MTCL2: variants seen among roughly 807,000 people sequenced by gnomAD.
The protein encoded by MTCL2 is microtubule crosslinking factor 2, also known as microtubule cross-linking factor 2.
the MTCL2 span, among the ~76,000 whole-genome samples, chr20:36,842,450 C>T: frequency 7.9e-5 from 12 of 152,254 alleles, no homozygotes; most frequent in African/African-American, 2.6e-4. Flanking sequence ...TTAATGTGAC[C>T]GAATGATTTA....
chr20:36,836,176 C>T, the MTCL2 span, among the ~76,000 whole-genome samples: 1 of 146,152 alleles, frequency 6.8e-6, no homozygotes. Context: ...CTAACTCATT[C>T]TTTTTTTTCT....
At chr20:36,800,567 A>G in the MTCL2 span, among the ~76,000 whole-genome samples, 1 of 152,022 alleles carries the variant, frequency 6.6e-6, no homozygotes, top group African/African-American at 2.4e-5. Context: ...TCCCTTACTC[A>G]CTTTATGACC....
the MTCL2 span, among the ~76,000 whole-genome samples, chr20:36,860,404 G>C: frequency 6.6e-6 from 1 of 152,114 alleles, no homozygotes; most frequent in Non-Finnish European, 1.5e-5. Flanking sequence ...AAAGCTCTAT[G>C]AAAACAGACA....
chr20:36,821,641 C>T, the MTCL2 span, among the ~76,000 whole-genome samples: 1 of 152,122 alleles, frequency 6.6e-6, no homozygotes, highest in African/African-American at 2.4e-5. Context: ...TTGCTTGAGC[C>T]CGCAAGGTGG....
chr20:36,805,032 T>G, the MTCL2 span: 2 of 962,882 alleles, frequency 2.1e-6, no homozygotes, highest in Non-Finnish European at 3.1e-6. Flanking sequence ...ACAACCTCCC[T>G]AGGTCATCTC....
At chr20:36,793,846 C>A in the MTCL2 span, 3 of 1,545,944 alleles carry the variant, frequency 1.9e-6, no homozygotes, top group Admixed American at 5.9e-5. This position sits in a 1 kb window ranked among gnomAD's most constrained non-coding sequence, Gnocchi z 6.8. Flanking sequence ...TGCGCACAGA[C>A]ACGAGCGAAG....
At chr20:36,832,621 G>A in the MTCL2 span, among the ~76,000 whole-genome samples, 1 of 152,186 alleles carries the variant, frequency 6.6e-6, no homozygotes, top group Admixed American at 6.5e-5. Context: ...ATCACTTGAG[G>A]TCAGGAGTTC....
chr20:36,862,463 C>G, the MTCL2 span, among the ~76,000 whole-genome samples: 1 of 152,260 alleles, frequency 6.6e-6, no homozygotes, highest in African/African-American at 2.4e-5. Context: ...TTCAGGAGCG[C>G]GCTTCCCAAA....
At chr20:36,786,648 G>A in the MTCL2 span, 2 of 1,544,226 alleles carry the variant, frequency 1.3e-6, no homozygotes, top group Non-Finnish European at 1.7e-6. Context: ...CTAGGAAGAG[G>A]GAGGCAGGGA....
the MTCL2 span, chr20:36,806,075 C>T: frequency 1.4e-6 from 1 of 696,390 alleles, no homozygotes; most frequent in African/African-American, 1.8e-5. Context: ...TCCTAGCCTC[C>T]CACGACATCT....
the MTCL2 span, among the ~76,000 whole-genome samples, chr20:36,787,320 C>T: frequency 7.9e-5 from 12 of 151,996 alleles, no homozygotes; most frequent in African/African-American, 1.4e-4. Flanking sequence ...CTCCACCTCA[C>T]GGATTCAAGT....
chr20:36,862,197 C>G, the MTCL2 span, among the ~76,000 whole-genome samples: 1 of 152,240 alleles, frequency 6.6e-6, no homozygotes, highest in Non-Finnish European at 1.5e-5. Context: ...CCCGGGAAAG[C>G]CCTGGGTAAC....
the MTCL2 span, among the ~76,000 whole-genome samples, chr20:36,831,553 C>A: frequency 6.6e-6 from 1 of 152,318 alleles, no homozygotes; most frequent in South Asian, 2.1e-4. Flanking sequence ...CAGCTCGGCA[C>A]GGACCCCTTG....
At chr20:36,808,529 C>T in the MTCL2 span, 6 of 1,598,902 alleles carry the variant, frequency 3.8e-6, no homozygotes, top group Non-Finnish European at 5.1e-6. Flanking sequence ...GAAGTCATCC[C>T]CTTCGCTGGG....
chr20:36,813,313 TA>T, the MTCL2 span, among the ~76,000 whole-genome samples: 2 of 41,900 alleles, frequency 4.8e-5, no homozygotes, highest in African/African-American at 1.3e-4. Context: ...ACTGTTTCTT[TA>T]AAAAAAAAAA....
At chr20:36,861,996 C>G in the MTCL2 span, among the ~76,000 whole-genome samples, 1 of 152,206 alleles carries the variant, frequency 6.6e-6, no homozygotes, top group East Asian at 1.9e-4. Flanking sequence ...ACAAGGTCTG[C>G]CCCAGGGAGG....
the MTCL2 span, chr20:36,783,947 T>C: frequency 1.2e-5 from 12 of 985,404 alleles, no homozygotes; most frequent in East Asian, 1.2e-3. Flanking sequence ...CAGTGATGAG[T>C]GGCCTTGCAC....
chr20:36,808,838 G>A, the MTCL2 span: 2 of 1,144,620 alleles, frequency 1.7e-6, no homozygotes, highest in Non-Finnish European at 1.2e-6. Flanking sequence ...GAAAGTCTGG[G>A]TGGTGCCTGT....
chr20:36,815,398 G>A, the MTCL2 span: 7 of 1,612,782 alleles, frequency 4.3e-6, no homozygotes, highest in Admixed American at 5.0e-5. This position sits in a 1 kb window ranked among gnomAD's most constrained non-coding sequence, Gnocchi z 5.3. Context: ...AGACACAGCC[G>A]GAGGCCAGCC....
Sources: gnomAD v4.1 joint callset for allele counts (sites outside exome capture counted in the v4.1 genomes callset) on GRCh38, gnomAD v4.1.1 for gene constraint, Gnocchi (gnomAD v3.1) non-coding constraint, MANE v1.5 for transcripts, NCBI Gene and HGNC (gene_info 2026-07-23, HGNC 2026-07-21) for gene names.